HIBCH: variants seen among roughly 807,000 people sequenced by gnomAD.
HIBCH encodes 3-hydroxyisobutyryl-CoA hydrolase, also known as 3-hydroxyisobutyryl-CoA hydrolase, mitochondrial.
In HIBCH, 50 loss-of-function variants were observed where a neutral mutation model predicts 58.2. The ratio of observed to expected loss-of-function variants is 0.86; its 90% CI spans 0.68 to 1.09. The LOEUF is 1.09. HIBCH is among the 50% of genes least tolerant of loss of function. HIBCH has a pLI of 0.00. For missense variants in HIBCH, 450 were observed against 449.7 expected (o/e 1.00, Z -0.01); for synonymous variants, 151 against 146.9 (o/e 1.03, Z -0.20).
At chr2:190,248,245 G>A (rs1320751952) in intron 9 of HIBCH, among the ~76,000 whole-genome samples, 1 of 152,150 alleles carries the variant, frequency 6.6e-6, no homozygotes, top group Admixed American at 6.5e-5. Context: ...AATGTCAGTT[G>A]CAAGTTATGG....
intron 4 of HIBCH, among the ~76,000 whole-genome samples, chr2:190,293,217 C>T (rs1007352185): frequency 2.6e-5 from 4 of 152,104 alleles, no homozygotes; most frequent in Admixed American, 1.3e-4. Flanking sequence ...GTTGGGAGGC[C>T]GAGGCAGGCG....
chr2:190,220,333 T>C (rs1264834959), intron 11 of HIBCH: 1 of 152,182 alleles, frequency 6.6e-6, no homozygotes, highest in Non-Finnish European at 1.5e-5. Flanking sequence ...GTGTTCTCTG[T>C]AGCATCCTTA....
intron 1 of HIBCH, among the ~76,000 whole-genome samples, chr2:190,193,185 C>CA (rs1444963705): frequency 6.6e-6 from 1 of 151,824 alleles, no homozygotes; most frequent in African/African-American, 2.4e-5. Flanking sequence ...GGTATTTTAT[C>CA]AAAATTTTTT....
rs1007437997 is a variant in HIBCH, at chr2:190,281,427, G to T, written c.438+6159C>A. On this transcript the variant is annotated intron_variant, in intron 6 of 13. Coordinates refer to ENST00000359678, the MANE Select transcript of HIBCH (RefSeq NM_014362.4). The surrounding 1 kb of genome is among the most constrained non-coding windows in gnomAD (Gnocchi z 5.4). ...AATTCTGGGAGCAGAGGCCCAAGCAGCCCCGGGCGGTAAGCTTATAGGGGG... is the reference window on the plus strand; with the variant it reads ...AATTCTGGGAGCAGAGGCCCAAGCATCCCCGGGCGGTAAGCTTATAGGGGG... Among the ~76,000 whole-genome samples the T allele has an allele frequency of 6.6e-6, 1 of 152,170 alleles. No individual in the cohort carries two copies. The highest frequency in any genetic ancestry group is 6.5e-5 in the Admixed American group (1 of 15,276).
chr2:190,244,868 G>C lies in HIBCH; in HGVS notation c.891+19C>G. 6.5e-7 allele frequency: 1 copy of C among 1,537,048 alleles called. No homozygotes were observed. The highest frequency in any genetic ancestry group is 9.0e-7 in the Non-Finnish European group (1 of 1,109,630). On this transcript the variant is annotated intron_variant, in intron 11 of 13. Coordinates refer to ENST00000359678, the MANE Select transcript of HIBCH (RefSeq NM_014362.4). The stretch of plus-strand genomic sequence containing the variant: ...GACTTCACTATGTTCACTCAGGGCA[G>C]AAAGGATTCCAATATTACCTTCAAT...
rs1686859518 is a variant in HIBCH at position 190,254,196 on chromosome 2, A to G, written c.518-1889T>C. Reference sequence around the variant, plus strand: ...AACCCTCGATGTAACTGCATTTGGAAGCAGGGCCTTTGAAGAGGTAATTAA... The same window carrying G: ...AACCCTCGATGTAACTGCATTTGGAGGCAGGGCCTTTGAAGAGGTAATTAA... On this transcript the variant is annotated intron_variant, in intron 7 of 13. Coordinates refer to ENST00000359678, the MANE Select transcript of HIBCH (RefSeq NM_014362.4). This position sits in a 1 kb window ranked among gnomAD's most constrained non-coding sequence, Gnocchi z 5.0. Among the ~76,000 whole-genome samples the G allele has an allele frequency of 6.6e-6, 1 of 152,166 alleles. No homozygotes were observed. Among genetic ancestry groups the G allele is most frequent in the South Asian group, 2.1e-4 (1 of 4,832 alleles).
intron 2 of HIBCH, 109 bp downstream of exon 2, chr2:190,310,645 T>TA (rs1391637895): frequency 7.9e-6 from 7 of 882,934 alleles, no homozygotes; most frequent in Non-Finnish European, 1.4e-5. Context: ...AACCATGATG[T>TA]ACCTAAGGTC....
intron 11 of HIBCH, among the ~76,000 whole-genome samples, chr2:190,241,189 C>T (rs954513018): frequency 3.9e-5 from 6 of 152,280 alleles, no homozygotes; most frequent in Non-Finnish European, 7.4e-5. Flanking sequence ...GGATAGTTAG[C>T]TTTTCTTGCT....
At chr2:190,303,558 T>A (rs1165396358) in intron 2 of HIBCH, among the ~76,000 whole-genome samples, 1 of 152,102 alleles carries the variant, frequency 6.6e-6, no homozygotes, top group Non-Finnish European at 1.5e-5. Flanking sequence ...TGATATTAGA[T>A]GATAGCCCAA....
At chr2:190,245,006 G>A (rs760590354) in intron 10 of HIBCH, 38 bp from the exon 11 acceptor site, 3 of 1,226,346 alleles carry the variant, frequency 2.4e-6, no homozygotes, top group South Asian at 2.4e-5. Flanking sequence ...CAATGTGTAA[G>A]TGATTTCCTG....
intron 6 of HIBCH, among the ~76,000 whole-genome samples, chr2:190,264,939 A>C (rs899472926): frequency 6.6e-6 from 1 of 151,968 alleles, no homozygotes; most frequent in Admixed American, 6.6e-5. Context: ...CCTAGCCAAC[A>C]CGGTGAAACC....
chr2:190,257,144 A>C (rs1686948469), intron 7 of HIBCH, among the ~76,000 whole-genome samples: 1 of 152,240 alleles, frequency 6.6e-6, no homozygotes, highest in South Asian at 2.1e-4. Context: ...ATAATCAAAT[A>C]GCTTGAAACA....
intron 8 of HIBCH, among the ~76,000 whole-genome samples, chr2:190,250,853 A>G (rs1164245174): frequency 6.6e-6 from 1 of 152,248 alleles, no homozygotes; most frequent in East Asian, 1.9e-4. Context: ...CAATTTATAA[A>G]GTTTATGAAG....
At position 190,192,649 on chromosome 2, in the gene HIBCH, A is replaced by G. The variant is rs190941253; in HGVS notation, c.*18-2652T>C. ...GAATATTGTCTTTCAGATCATGAAC[A>G]GCATTTGTCTGTTTGTTTAGGTTCT... On this transcript the variant is annotated intron_variant, in intron 1 of 1. Coordinates refer to the HIBCH transcript ENST00000399855. Among the ~76,000 whole-genome samples, 641 of 152,258 alleles carry G rather than the reference A, an allele frequency of 4.2e-3. 5 individuals are homozygous for G. The highest frequency in any genetic ancestry group is 0.015 in the African/African-American group (625 of 41,568).
At chr2:190,314,808 C>T (rs1036765654) in intron 1 of HIBCH, among the ~76,000 whole-genome samples, 1 of 152,138 alleles carries the variant, frequency 6.6e-6, no homozygotes, top group East Asian at 1.9e-4. Flanking sequence ...TCAGCTGTCA[C>T]TTAAAATTTG....
intron 6 of HIBCH, among the ~76,000 whole-genome samples, chr2:190,285,093 T>C (rs915408311): frequency 1.3e-5 from 2 of 152,220 alleles, no homozygotes; most frequent in Non-Finnish European, 2.9e-5. Context: ...TACTTCACTA[T>C]CTGTAATATT....
At chr2:190,277,620 T>C (rs1687588616) in intron 6 of HIBCH, among the ~76,000 whole-genome samples, 1 of 152,220 alleles carries the variant, frequency 6.6e-6, no homozygotes, top group Non-Finnish European at 1.5e-5. Context: ...TTTGAGTTCC[T>C]TCATAATAAA....
intron 6 of HIBCH, among the ~76,000 whole-genome samples, chr2:190,282,821 T>C (rs1687738055): frequency 6.9e-6 from 1 of 145,490 alleles, no homozygotes; most frequent in African/African-American, 2.6e-5. Flanking sequence ...TAACTGTATA[T>C]TCCTAGTTGT....
At chr2:190,238,614 T>G (rs1686354379) in intron 11 of HIBCH, among the ~76,000 whole-genome samples, 1 of 152,100 alleles carries the variant, frequency 6.6e-6, no homozygotes, top group South Asian at 2.1e-4. Context: ...ATATATGCAC[T>G]CTACCACACC....
Sources: allele counts gnomAD v4.1 joint callset (sites outside exome capture counted in the v4.1 genomes callset), GRCh38; gene constraint gnomAD v4.1.1; non-coding constraint Gnocchi (gnomAD v3.1); transcripts MANE v1.5; gene names NCBI Gene and HGNC (gene_info 2026-07-23, HGNC 2026-07-21).